The following CLSTN2 variants were observed in gnomAD, a reference collection of about 807,000 sequenced individuals.
CLSTN2 encodes calsyntenin 2, also known as calsyntenin-2.
Under a neutral mutation model 101.2 loss-of-function variants are expected in CLSTN2, and 48 were observed. The ratio of observed to expected loss-of-function variants is 0.47; its 90% CI spans 0.38 to 0.60. The LOEUF is 0.60. Among genes scored for constraint, CLSTN2 ranks in the 20% least tolerant of loss-of-function variants. The probability of loss-of-function intolerance (pLI) is 0.00; values close to 1 mark genes in which losing one functional copy is unlikely to be tolerated. For synonymous variants in CLSTN2, 481 were observed against 463.6 expected, an observed-to-expected ratio of 1.04 and a Z score of -0.48; for missense variants, 1,160 against 1,238.2, an observed-to-expected ratio of 0.94 and a Z score of 0.95.
intron 2 of CLSTN2, among the ~76,000 whole-genome samples, chr3:140,208,422 T>C (rs1004179416): frequency 2.0e-5 from 3 of 152,264 alleles, no homozygotes; most frequent in Non-Finnish European, 4.4e-5. Context: ...TAAGATCTTT[T>C]AATCTTACAG....
chr3:140,280,253 T>G (rs1321339497), intron 2 of CLSTN2, among the ~76,000 whole-genome samples: 1 of 152,210 alleles, frequency 6.6e-6, no homozygotes, highest in African/African-American at 2.4e-5. Flanking sequence ...TCAATATCCA[T>G]GTTCTCTCCC....
At chr3:140,177,532 G>C (rs2010344110) in intron 2 of CLSTN2, among the ~76,000 whole-genome samples, 1 of 152,098 alleles carries the variant, frequency 6.6e-6, no homozygotes. Context: ...GCTCATGCCT[G>C]CAACCCCAGC....
intron 1 of CLSTN2, among the ~76,000 whole-genome samples, chr3:140,147,977 G>A (rs148636017): frequency 1.3e-5 from 2 of 152,294 alleles, no homozygotes; most frequent in East Asian, 3.9e-4. Context: ...GTAAAACCAG[G>A]GGGGATGCGG....
chr3:140,379,770 T>A (rs2087959589), intron 2 of CLSTN2, among the ~76,000 whole-genome samples: 1 of 152,160 alleles, frequency 6.6e-6, no homozygotes, highest in Non-Finnish European at 1.5e-5. Context: ...TTGTAGGGTG[T>A]CTTTAATAAG....
At chr3:139,942,871 T>C (rs1935155993) in intron 1 of CLSTN2, among the ~76,000 whole-genome samples, 1 of 152,188 alleles carries the variant, frequency 6.6e-6, no homozygotes. Flanking sequence ...TTTCTAACTC[T>C]AAGGACAGGC....
At chr3:140,213,026 C>T (rs1179099878) in intron 2 of CLSTN2, among the ~76,000 whole-genome samples, 2 of 152,160 alleles carry the variant, frequency 1.3e-5, no homozygotes, top group Non-Finnish European at 2.9e-5. Flanking sequence ...ATAAATGAAC[C>T]CATCATCAAG....
chr3:140,177,075 T>TG, intron 2 of CLSTN2, among the ~76,000 whole-genome samples: 1 of 152,354 alleles, frequency 6.6e-6, no homozygotes, highest in East Asian at 1.9e-4. Context: ...TTATATTAAA[T>TG]GGGGAAATTC....
At chr3:140,091,548 T>A (rs979550016) in intron 1 of CLSTN2, among the ~76,000 whole-genome samples, 1 of 152,192 alleles carries the variant, frequency 6.6e-6, no homozygotes, top group African/African-American at 2.4e-5. Context: ...TTTGAAGACA[T>A]TTAAAAAATG....
Position 140,562,967 on chromosome 3 carries a change from C to G in CLSTN2, c.2358+11C>G, listed in dbSNP as rs369338646. On this transcript the variant is annotated intron_variant, in intron 14 of 16. Transcript: ENST00000458420. ...GAGTTCAACTTGGAGGTGAGTGGGTCCTGCCATTGTTAGGGAAGCCAAGGC... is the reference window on the plus strand; with the variant it reads ...GAGTTCAACTTGGAGGTGAGTGGGTGCTGCCATTGTTAGGGAAGCCAAGGC... The G allele has an allele frequency of 5.6e-6, 9 of 1,613,678 alleles. No individual in the cohort carries two copies. The highest frequency in any genetic ancestry group is 7.6e-6 in the Non-Finnish European group (9 of 1,179,772).
chr3:140,036,291 C>T (rs905706124), intron 1 of CLSTN2, among the ~76,000 whole-genome samples: 5 of 152,176 alleles, frequency 3.3e-5, no homozygotes, highest in Non-Finnish European at 5.9e-5. Context: ...AGAACTGTTT[C>T]CATGTCATTA....
intron 8 of CLSTN2, among the ~76,000 whole-genome samples, chr3:140,472,225 T>C (rs1933866898): frequency 1.3e-5 from 2 of 152,232 alleles, no homozygotes; most frequent in South Asian, 2.1e-4. Context: ...CAGCCCGAGT[T>C]CCCCAGAGCC....
At chr3:140,477,857 A>T (rs1934020758) in intron 8 of CLSTN2, among the ~76,000 whole-genome samples, 1 of 152,260 alleles carries the variant, frequency 6.6e-6, no homozygotes, top group Non-Finnish European at 1.5e-5. Context: ...ACTGGAAAAT[A>T]CTATCTGTGA....
At chr3:139,955,183 A>G (rs957170408) in intron 1 of CLSTN2, among the ~76,000 whole-genome samples, 4 of 138,072 alleles carry the variant, frequency 2.9e-5, no homozygotes, top group Non-Finnish European at 6.1e-5. Context: ...TTATTTGAAA[A>G]GTTCTCTTAA....
At chr3:139,944,165 A>G (rs1282822533) in intron 1 of CLSTN2, among the ~76,000 whole-genome samples, 1 of 152,192 alleles carries the variant, frequency 6.6e-6, no homozygotes, top group East Asian at 1.9e-4. Context: ...CACTCTTATT[A>G]TCCCCTTTAC....
At chr3:140,080,787 C>T (rs972744504) in intron 1 of CLSTN2, among the ~76,000 whole-genome samples, 1 of 152,224 alleles carries the variant, frequency 6.6e-6, no homozygotes, top group Non-Finnish European at 1.5e-5. Flanking sequence ...GGCTGGAGCT[C>T]TGTTAGCCCA....
intron 2 of CLSTN2, among the ~76,000 whole-genome samples, chr3:140,265,320 C>A (rs1296719752): frequency 2.0e-5 from 3 of 152,130 alleles, no homozygotes; most frequent in African/African-American, 7.2e-5. Flanking sequence ...GCTGAGAAAG[C>A]CCGGAGGAGG....
chr3:140,080,644 G>C (rs2008579907), intron 1 of CLSTN2, among the ~76,000 whole-genome samples: 2 of 152,090 alleles, frequency 1.3e-5, no homozygotes, highest in Non-Finnish European at 2.9e-5. Flanking sequence ...CTAGTCTAAG[G>C]TGCTGCTTCA....
chr3:140,512,220 A>G (rs56167447), intron 8 of CLSTN2, among the ~76,000 whole-genome samples: 15,718 of 152,200 alleles, frequency 0.1, 1,052 homozygotes, highest in Non-Finnish European at 0.15. Flanking sequence ...GCCCATGCCT[A>G]TGTCCTGAAT....
chr3:140,490,596 GAA>G (rs71149081), intron 8 of CLSTN2, among the ~76,000 whole-genome samples: 2 of 90,106 alleles, frequency 2.2e-5, no homozygotes, highest in Admixed American at 1.3e-4. Context: ...CCTTGTCTCA[GAA>G]AAAAAAAAAA....
Sources: allele counts gnomAD v4.1 joint callset (sites outside exome capture counted in the v4.1 genomes callset), GRCh38; gene constraint gnomAD v4.1.1; transcripts MANE v1.5; gene names NCBI Gene and HGNC (gene_info 2026-07-23, HGNC 2026-07-21).